Variants in RCSD1 observed in about 807,000 individuals in gnomAD.
The protein encoded by RCSD1 is capZ-interacting protein.
A neutral mutation model predicts 42.5 loss-of-function variants in RCSD1; 26 were observed. The observed-to-expected ratio is 0.61, with a 90% CI of 0.45 to 0.85. The LOEUF (loss-of-function observed/expected upper bound fraction) is 0.85. RCSD1 is among the 40% of genes least tolerant of loss of function. The pLI is 0.00. For synonymous variants in RCSD1, 220 were observed against 212.2 expected (o/e 1.04, Z -0.32); for missense variants, 571 against 528.3 (o/e 1.08, Z -0.79).
intron 1 of RCSD1, among the ~76,000 whole-genome samples, chr1:167,637,058 A>G (rs1478068337): frequency 6.6e-6 from 1 of 152,166 alleles, no homozygotes; most frequent in Non-Finnish European, 1.5e-5. Context: ...GAGAGCTTAC[A>G]CCCACAGAGG....
chr1:167,703,990 A>G (rs1659700589), intron 6 of RCSD1, among the ~76,000 whole-genome samples: 1 of 152,140 alleles, frequency 6.6e-6, no homozygotes, highest in African/African-American at 2.4e-5. Flanking sequence ...AGGATGGTCC[A>G]CATCACACCC....
chr1:167,707,736 A>G lies in RCSD1; in HGVS notation c.*3040A>G, dbSNP rs1659791698. Among the ~76,000 whole-genome samples the G allele has an allele frequency of 6.6e-6, 1 of 152,054 alleles. No individual in the cohort carries two copies. Among genetic ancestry groups the G allele is most frequent in the African/African-American group, 2.4e-5 (1 of 41,402 alleles). ...GGCTGGAGTGCAGTGGCACAATCACAGTTCACTGCAACCTCTGCCTCCTGC... is the reference window on the plus strand; with the variant it reads ...GGCTGGAGTGCAGTGGCACAATCACGGTTCACTGCAACCTCTGCCTCCTGC... On this transcript the variant is annotated 3_prime_UTR_variant, in exon 7 of 7. Coordinates refer to ENST00000367854, the MANE Select transcript of RCSD1 (RefSeq NM_052862.4).
At chr1:167,633,150 A>G (rs1008078584) in intron 1 of RCSD1, among the ~76,000 whole-genome samples, 3 of 152,254 alleles carry the variant, frequency 2.0e-5, no homozygotes, top group African/African-American at 7.2e-5. Context: ...CACTGTTACC[A>G]TTATCAACAA....
At chr1:167,635,562 G>C (rs1384028647) in intron 1 of RCSD1, among the ~76,000 whole-genome samples, 1 of 152,198 alleles carries the variant, frequency 6.6e-6, no homozygotes, top group African/African-American at 2.4e-5. Flanking sequence ...GCGGTTCCGT[G>C]GGAAATCTGA....
chr1:167,668,048 T>C (rs1476912255), intron 1 of RCSD1, among the ~76,000 whole-genome samples: 1 of 152,092 alleles, frequency 6.6e-6, no homozygotes, highest in African/African-American at 2.4e-5. Context: ...CCCGACACTT[T>C]AGGAGGCCAA....
At chr1:167,653,257 T>G (rs986201534) in intron 1 of RCSD1, among the ~76,000 whole-genome samples, 8 of 152,246 alleles carry the variant, frequency 5.3e-5, no homozygotes, top group African/African-American at 1.9e-4. Context: ...TCTCCTTTAG[T>G]TGCTTTCTGG....
rs558887154 is a variant in RCSD1 at position 167,679,632 on chromosome 1, G to A, written c.7-4268G>A. On this transcript the variant is annotated intron_variant, in intron 1 of 6. Transcript: ENST00000367854. ...GGGCTCTGGCCTATTTCTGGTGAGA[G>A]AGAGAAACTTCCTTTTGGCCAAGAG... Among the ~76,000 whole-genome samples, 29 of 152,354 alleles carry A rather than the reference G, an allele frequency of 1.9e-4. No individual in the cohort carries two copies. In the East Asian group the frequency reaches 2.7e-3, roughly 14 times the overall value.
chr1:167,690,372 T>C (rs1432713481), intron 4 of RCSD1, among the ~76,000 whole-genome samples: 2 of 152,012 alleles, frequency 1.3e-5, no homozygotes, highest in East Asian at 3.9e-4. Flanking sequence ...GGTTGATGGG[T>C]AACGGGATAC....
intron 3 of RCSD1, among the ~76,000 whole-genome samples, chr1:167,688,394 A>G (rs577700942): frequency 5.5e-4 from 84 of 152,280 alleles, no homozygotes; most frequent in African/African-American, 1.8e-3. Context: ...AAGCACAGAA[A>G]CCAAGGGCAC....
chr1:167,653,084 T>A (rs1658350015), intron 1 of RCSD1, among the ~76,000 whole-genome samples: 1 of 152,256 alleles, frequency 6.6e-6, no homozygotes, highest in Non-Finnish European at 1.5e-5. Flanking sequence ...ATTTTCGCCA[T>A]AATCCTGGCA....
At position 167,654,045 on chromosome 1, in the gene RCSD1, G is replaced by A. The variant is rs376928681; in HGVS notation, c.6+23616G>A. ...TCCAATTCCACCTTCTACAGCATACGGATCATAATGCTTGGCTGGTTCAAA... is the reference window on the plus strand; with the variant it reads ...TCCAATTCCACCTTCTACAGCATACAGATCATAATGCTTGGCTGGTTCAAA... On this transcript the variant is annotated intron_variant, in intron 1 of 6. Transcript: ENST00000367854. Among the ~76,000 whole-genome samples, 244 of 152,232 alleles carry A rather than the reference G, an allele frequency of 1.6e-3. 1 individual carries two copies. In the South Asian group the frequency reaches 0.031, roughly 20 times the overall value.
intron 1 of RCSD1, among the ~76,000 whole-genome samples, chr1:167,652,703 G>C (rs180689151): frequency 6.6e-6 from 1 of 152,260 alleles, no homozygotes; most frequent in Admixed American, 6.5e-5. Context: ...AGGGCACAAA[G>C]CATGGGGGAT....
intron 1 of RCSD1, among the ~76,000 whole-genome samples, chr1:167,643,319 G>C (rs1381793579): frequency 6.6e-6 from 1 of 152,114 alleles, no homozygotes; most frequent in East Asian, 1.9e-4. Context: ...AGGCAAAGAG[G>C]GTGACATTGG....
rs778994153 is a variant in RCSD1 at position 167,694,084 on chromosome 1, A to G, written c.271-15A>G. On this transcript the variant is annotated splice_polypyrimidine_tract_variant and intron_variant, in intron 4 of 6. Transcript: ENST00000367854. ...TCCCTAGTCCTATTTGAAATTGTTC[A>G]TCTTTTCTTGACAGGCCAATTTAAC... The G allele has an allele frequency of 3.7e-6, 6 of 1,613,592 alleles. No individual in the cohort carries two copies. The highest frequency in any genetic ancestry group is 1.7e-5 in the Admixed American group (1 of 60,004).
At chr1:167,699,563 T>C (rs2101723686) in intron 6 of RCSD1, among the ~76,000 whole-genome samples, 1 of 152,274 alleles carries the variant, frequency 6.6e-6, no homozygotes, top group South Asian at 2.1e-4. Context: ...CTCCTCCCCC[T>C]TATAAAGATG....
intron 1 of RCSD1, among the ~76,000 whole-genome samples, chr1:167,634,322 G>A (rs987303752): frequency 5.3e-5 from 8 of 152,146 alleles, no homozygotes; most frequent in African/African-American, 1.9e-4. Context: ...AGAGCCTAAT[G>A]GGCACCAAGA....
At chr1:167,657,147 G>A (rs1297426178) in intron 1 of RCSD1, among the ~76,000 whole-genome samples, 1 of 152,260 alleles carries the variant, frequency 6.6e-6, no homozygotes, top group Admixed American at 6.5e-5. Flanking sequence ...CTTGCACATA[G>A]TAAGCACTCA....
At chr1:167,675,634 G>A (rs1658933294) in intron 1 of RCSD1, among the ~76,000 whole-genome samples, 1 of 152,086 alleles carries the variant, frequency 6.6e-6, no homozygotes, top group Non-Finnish European at 1.5e-5. Context: ...GGATGTGTGA[G>A]TATTCAAAAC....
chr1:167,634,958 G>A (rs1358409481), intron 1 of RCSD1, among the ~76,000 whole-genome samples: 1 of 151,946 alleles, frequency 6.6e-6, no homozygotes, highest in Admixed American at 6.6e-5. Context: ...GTGTGTGTGT[G>A]TGTGTGTGTG....
Sources: allele counts gnomAD v4.1 joint callset (sites outside exome capture counted in the v4.1 genomes callset), GRCh38; gene constraint gnomAD v4.1.1; transcripts MANE v1.5; gene names NCBI Gene and HGNC (gene_info 2026-07-23, HGNC 2026-07-21).